Variants in TOPBP1 observed in about 807,000 individuals in gnomAD.
TOPBP1 encodes DNA topoisomerase II binding protein 1.
In TOPBP1, 28 loss-of-function variants were observed where a neutral mutation model predicts 167.7. That is an observed-to-expected ratio of 0.17 (90% CI 0.12 to 0.23). The LOEUF (loss-of-function observed/expected upper bound fraction) is 0.23. Among genes scored for constraint, TOPBP1 ranks in the 10% least tolerant of loss-of-function variants. TOPBP1 has a pLI of 1.00. For synonymous variants in TOPBP1, 598 were observed against 611.4 expected (o/e 0.98, Z 0.32); for missense variants, 1,554 against 1,809.6 (o/e 0.86, Z 2.56).
chr3:133,612,464 G>A lies in TOPBP1; in HGVS notation c.3960C>T (p.Ala1320=), dbSNP rs1209576467. 4 of 1,613,848 alleles carry A rather than the reference G, an allele frequency of 2.5e-6. No individual in the cohort carries two copies. Among genetic ancestry groups the A allele is most frequent in the Non-Finnish European group, 3.4e-6 (4 of 1,179,860 alleles). ...GCACCCACTTCCCAGCTGCCACTGA[G>A]GCTAAATACTTCTCGTTTCGAAGTG... ...GHPLRNEKYL[A]SVAAGKWVLH... is the part of the protein sequence containing the mutation. Residue 1320 remains alanine (A), a synonymous_variant, in exon 24 of 28, where the codon GCC becomes GCT. Coordinates refer to ENST00000260810, the MANE Select transcript of TOPBP1 (RefSeq NM_007027.4).
rs1185756653 is a variant in TOPBP1 at position 133,628,435 on chromosome 3, A to T, written c.2731T>A (p.Cys911Ser). Residue 911 changes from cysteine to serine, a missense_variant, in exon 16 of 28, where the codon TGT becomes AGT. Physicochemically the swap from Cys to Ser is moderately radical, Grantham distance 112. Coordinates refer to ENST00000260810, the MANE Select transcript of TOPBP1 (RefSeq NM_007027.4). ...TTCTTACTGAGTTTTTTACTAACAC[A>T]TACCACTACTTTGTGAAGTGGCTTT... ...APKPLHKVVV[C>S]VSKKLSKKQS... 1 of 1,611,528 alleles carries T rather than the reference A, an allele frequency of 6.2e-7. No individual in the cohort carries two copies. The highest frequency in any genetic ancestry group is 8.5e-7 in the Non-Finnish European group (1 of 1,178,766).
Position 133,608,498 on chromosome 3 carries a change from C to T in TOPBP1, c.4425+37G>A, listed in dbSNP as rs34239013. 15,749 of 1,606,062 alleles carry T rather than the reference C, an allele frequency of 9.8e-3. 199 individuals are homozygous for T. Among genetic ancestry groups the T allele is most frequent in the East Asian group, 0.049 (2,202 of 44,790 alleles). On this transcript the variant is annotated intron_variant, in intron 27 of 27. Coordinates refer to ENST00000260810, the MANE Select transcript of TOPBP1 (RefSeq NM_007027.4). ...CTTATCTATGCACATAAACGTATCT[C>T]TGGTAATGAGGAGGTCAAGGATAGA...
Position 133,644,316 on chromosome 3 carries a change from C to A in TOPBP1, c.1552G>T (p.Ala518Ser), listed in dbSNP as rs749914520. The stretch of plus-strand genomic sequence containing the variant: ...TGAGTAGAATCATTCAAGGGCTCAG[C>A]ATGAGTAGAATCATTAAAGGGCCTG... ...EARPFNDSTH[A>S]EPLNDSTHIS... is the part of the protein sequence containing the mutation. Residue 518 changes from alanine (A) to serine (S), a missense_variant, in exon 11 of 28, where the codon GCT becomes TCT. Around this residue, in one of 3 missense-constraint regions of TOPBP1, gnomAD observed 1,197 missense variants for 1,351.5 expected, o/e 0.89. Coordinates refer to ENST00000260810, the MANE Select transcript of TOPBP1 (RefSeq NM_007027.4). 1.9e-6 allele frequency: 3 copies of A among 1,608,082 alleles called. No individual in the cohort carries two copies. Among genetic ancestry groups the A allele is most frequent in the Admixed American group, 1.7e-5 (1 of 58,928 alleles).
At chr3:133,656,584 TG>T in intron 5 of TOPBP1, 91 bp downstream of exon 5, 1 of 1,253,996 alleles carries the variant, frequency 8.0e-7, no homozygotes, top group Non-Finnish European at 1.1e-6. Flanking sequence ...TTTTTTTCCC[TG>T]AATAGTAAGT....
chr3:133,636,531 T>C (rs1935683134), intron 14 of TOPBP1, among the ~76,000 whole-genome samples: 1 of 152,186 alleles, frequency 6.6e-6, no homozygotes. Context: ...AAACTATGAC[T>C]CTAAACAATA....
intron 24 of TOPBP1, 130 bp from the exon 25 acceptor site, chr3:133,611,271 C>G: frequency 1.4e-6 from 1 of 729,160 alleles, no homozygotes. Flanking sequence ...CAAATACAGA[C>G]AGTACTAAGT....
At chr3:133,616,656 A>G (rs1406490784) in intron 23 of TOPBP1, among the ~76,000 whole-genome samples, 158 bp downstream of exon 23, 1 of 152,254 alleles carries the variant, frequency 6.6e-6, no homozygotes, top group East Asian at 1.9e-4. Flanking sequence ...TTTTAAAATC[A>G]AAGTTCCAAT....
rs1935165398 is a variant in TOPBP1 at position 133,623,432 on chromosome 3, G to A, written c.2954C>T (p.Pro985Leu). 1 of 1,612,164 alleles carries A rather than the reference G, an allele frequency of 6.2e-7. No homozygotes were observed. Among genetic ancestry groups the A allele is most frequent in the Non-Finnish European group, 8.5e-7 (1 of 1,179,020 alleles). Residue 985 changes from proline (P) to leucine (L), a missense_variant, in exon 18 of 28, where the codon CCT (proline) becomes CTT (leucine). Pro to Leu is a moderately conservative substitution (Grantham distance 98, BLOSUM62 -3). Around this residue, in one of 3 missense-constraint regions of TOPBP1, gnomAD observed 1,197 missense variants for 1,351.5 expected, o/e 0.89. Coordinates refer to ENST00000260810, the MANE Select transcript of TOPBP1 (RefSeq NM_007027.4). The part of the protein sequence containing the change: ...LDCAQECKHL[P>L]ESLYPHTYNP... Reference sequence around the variant, plus strand: ...ATAAGTATGTGGATAAAGAGATTCAGGAAGATGTTTACACTCTTGGGCACA... The same window carrying A: ...ATAAGTATGTGGATAAAGAGATTCAAGAAGATGTTTACACTCTTGGGCACA...
chr3:133,609,511 A>G (rs539473612), intron 25 of TOPBP1, among the ~76,000 whole-genome samples: 65 of 152,330 alleles, frequency 4.3e-4, no homozygotes, highest in Admixed American at 9.2e-4. Context: ...CCCACCCAAA[A>G]TCTCATCTTG....
intron 8 of TOPBP1, among the ~76,000 whole-genome samples, chr3:133,650,940 C>T (rs1180850548): frequency 6.6e-6 from 1 of 151,756 alleles, no homozygotes; most frequent in African/African-American, 2.4e-5. Context: ...GAAACCCTCA[C>T]CTCTACTAAA....
intron 12 of TOPBP1, 42 bp downstream of exon 12, chr3:133,643,158 A>T (rs1935951073): frequency 1.3e-5 from 19 of 1,461,328 alleles, no homozygotes; most frequent in East Asian, 1.3e-4. Flanking sequence ...AATAAATAAA[A>T]AGATACACCA....
At chr3:133,658,039 T>C in intron 3 of TOPBP1, 98 bp from the exon 4 acceptor site, 1 of 947,918 alleles carries the variant, frequency 1.1e-6, no homozygotes, top group Non-Finnish European at 1.5e-6. Context: ...TTACCAAAGT[T>C]GATGACCACT....
At chr3:133,620,574 T>C (rs1306261466) in intron 19 of TOPBP1, among the ~76,000 whole-genome samples, 1 of 141,424 alleles carries the variant, frequency 7.1e-6, no homozygotes, top group Non-Finnish European at 1.6e-5. Context: ...GCCCTTCAAA[T>C]ACTTTTTTTT....
intron 13 of TOPBP1, 73 bp downstream of exon 13, chr3:133,639,886 G>A: frequency 6.9e-7 from 1 of 1,456,594 alleles, no homozygotes; most frequent in Non-Finnish European, 9.3e-7. Flanking sequence ...CTAAACACAA[G>A]CATTGGCACA....
chr3:133,638,346 T>C (rs1183262909), intron 13 of TOPBP1, among the ~76,000 whole-genome samples, 184 bp from the exon 14 acceptor site: 1 of 152,184 alleles, frequency 6.6e-6, no homozygotes, highest in Non-Finnish European at 1.5e-5. Flanking sequence ...CAGGTACACT[T>C]TAAATCACAA....
At chr3:133,624,245 T>C (rs879476928) in intron 16 of TOPBP1, 70 bp from the exon 17 acceptor site, 2 of 1,543,376 alleles carry the variant, frequency 1.3e-6, no homozygotes, top group Admixed American at 1.7e-5. Context: ...TGATTCTTAT[T>C]TACTGTGAAC....
chr3:133,630,526 A>G (rs903047395), intron 14 of TOPBP1, among the ~76,000 whole-genome samples: 3 of 151,846 alleles, frequency 2.0e-5, no homozygotes, highest in African/African-American at 7.3e-5. Context: ...TCAAACTCCT[A>G]GGCTCAAGCA....
chr3:133,637,863 C>CTTAT lies in TOPBP1; in HGVS notation c.2520+12_2520+13insATAA, dbSNP rs1246523563. On this transcript the variant is annotated intron_variant, in intron 14 of 27. Coordinates refer to ENST00000260810, the MANE Select transcript of TOPBP1 (RefSeq NM_007027.4). ...AAACTGTTAACTCTGGGACCACTGCCTATAAACCTTACCTTCACATCAAAG... is the reference window on the plus strand; with the variant it reads ...AAACTGTTAACTCTGGGACCACTGCCTTATTATAAACCTTACCTTCACATCAAAG... 6.2e-7 allele frequency: 1 copy of CTTAT among 1,612,678 alleles called. No homozygotes were observed. The highest frequency in any genetic ancestry group is 1.3e-5 in the African/African-American group (1 of 74,900).
intron 5 of TOPBP1, 29 bp from the exon 6 acceptor site, chr3:133,655,515 C>T: frequency 7.4e-6 from 9 of 1,216,654 alleles, no homozygotes; most frequent in Non-Finnish European, 9.8e-6. Flanking sequence ...TAAAAAAGAA[C>T]ATATTAAATT....
Sources: allele counts gnomAD v4.1 joint callset (sites outside exome capture counted in the v4.1 genomes callset), GRCh38; gene constraint gnomAD v4.1.1; regional missense constraint gnomAD v4.1.1; transcripts MANE v1.5; gene names NCBI Gene and HGNC (gene_info 2026-07-23, HGNC 2026-07-21).